IFT57: variants seen among roughly 807,000 people sequenced by gnomAD.
IFT57 encodes intraflagellar transport protein 57 homolog.
IFT57 carries 59 observed loss-of-function variants against 56.8 expected under a neutral mutation model. The observed-to-expected ratio is 1.04, with a 90% CI of 0.84 to 1.29. The LOEUF is 1.29. Among genes scored for constraint, IFT57 ranks in the 50% most tolerant of loss-of-function variants. The pLI, the probability that IFT57 is intolerant of heterozygous loss-of-function variation, is 0.00. For synonymous variants in IFT57, 209 were observed against 186.1 expected (o/e 1.12, Z -1.00); for missense variants, 470 against 522.1 (o/e 0.90, Z 0.97).
At chr3:108,167,226 T>C (rs2080068150) in intron 7 of IFT57, 2 of 398,792 alleles carry the variant, frequency 5.0e-6, no homozygotes, top group East Asian at 4.7e-5. Context: ...TCATTATACA[T>C]ACCATAAAAT....
rs1480228591 is a variant in IFT57 at position 108,184,269 on chromosome 3, C to T, written c.777+7252G>A. On this transcript the variant is annotated intron_variant, in intron 6 of 10. Transcript: ENST00000264538. ...GCAGATCTGAATTGTTCTCTGGATA[C>T]ATAACCACCCTAGAAGTGCAGCTGT... Among the ~76,000 whole-genome samples, 2 of 152,126 alleles carry T rather than the reference C, an allele frequency of 1.3e-5. 1 individual carries two copies. The highest frequency in any genetic ancestry group is 2.9e-5 in the Non-Finnish European group (2 of 68,016).
At chr3:108,212,961 C>T (rs1193834580) in intron 4 of IFT57, among the ~76,000 whole-genome samples, 1 of 152,106 alleles carries the variant, frequency 6.6e-6, no homozygotes, top group Non-Finnish European at 1.5e-5. Flanking sequence ...CCAACCCTTC[C>T]TCTTGCTCTT....
At chr3:108,194,824 T>C (rs2080235031) in intron 5 of IFT57, among the ~76,000 whole-genome samples, 1 of 152,172 alleles carries the variant, frequency 6.6e-6, no homozygotes, top group African/African-American at 2.4e-5. Flanking sequence ...TCTCTTACCA[T>C]ACACAAAAAT....
chr3:108,217,331 T>C (rs2080378454), intron 3 of IFT57, among the ~76,000 whole-genome samples: 1 of 152,104 alleles, frequency 6.6e-6, no homozygotes, highest in South Asian at 2.1e-4. Flanking sequence ...GGTTGAGATA[T>C]TACACCATAG....
At chr3:108,221,987 G>A (rs1576054451) in intron 1 of IFT57, 124 bp downstream of exon 1, 2 of 1,485,722 alleles carry the variant, frequency 1.3e-6, no homozygotes, top group Non-Finnish European at 9.0e-7. Context: ...CCCTTCCCTG[G>A]CTAGGAAGAC....
Position 108,222,239 on chromosome 3 carries a change from C to G in IFT57, c.84G>C (p.Val28=), listed in dbSNP as rs770441432. 2 of 1,614,144 alleles carry G rather than the reference C, an allele frequency of 1.2e-6. No homozygotes were observed. Among genetic ancestry groups the G allele is most frequent in the Admixed American group, 3.3e-5 (2 of 60,036 alleles). Residue 28 remains valine (V), a synonymous_variant, in exon 1 of 11, where the codon GTG becomes GTC. Coordinates refer to ENST00000264538, the MANE Select transcript of IFT57 (RefSeq NM_018010.4). ...PRSRGEGTGE[V]VLERGPGAAY... ...CCGCGCCGGGCCCCCGCTCCAAGAC[C>G]ACTTCCCCGGTCCCTTCGCCACGGG...
rs894123441 is a variant in IFT57 at position 108,213,941 on chromosome 3, T to A, written c.575A>T (p.Glu192Val). Residue 192 changes from glutamate (E) to valine (V), a missense_variant, in exon 4 of 11, where the codon GAA becomes GTA. By Grantham distance (121) the Glu-to-Val change is moderately radical. Transcript: ENST00000264538. ...CAGCTACACACATACCACAAATTCT[T>A]CATCCACTTTATTTAATGTTAATTC... ...DAELTLNKVDEEFVEEETDNE... is the reference protein window; with the variant it reads ...DAELTLNKVDVEFVEEETDNE... 1 of 1,601,546 alleles carries A rather than the reference T, an allele frequency of 6.2e-7. No individual in the cohort carries two copies. The highest frequency in any genetic ancestry group is 1.3e-5 in the African/African-American group (1 of 74,784).
rs981293285 is a variant in IFT57 at position 108,221,395 on chromosome 3, G to A, written c.212+716C>T. Among the ~76,000 whole-genome samples the A allele has an allele frequency of 3.3e-5, 5 of 152,218 alleles. No homozygotes were observed. The South Asian group carries it at 1.0e-3, about 31-fold the overall frequency. On this transcript the variant is annotated intron_variant, in intron 1 of 10. Transcript: ENST00000264538. ...CCTAGCTGACCACTACCCTCAGCAA[G>A]TAATGGCATTGCTTTCAGGATATGT...
intron 6 of IFT57, among the ~76,000 whole-genome samples, chr3:108,184,356 A>G (rs973256146): frequency 5.3e-5 from 8 of 152,144 alleles, no homozygotes; most frequent in Non-Finnish European, 4.4e-5. Context: ...TTTTCAATAA[A>G]TATACAAAAA....
intron 4 of IFT57, among the ~76,000 whole-genome samples, chr3:108,207,283 T>C (rs2080318761): frequency 6.6e-6 from 1 of 152,162 alleles, no homozygotes; most frequent in Non-Finnish European, 1.5e-5. Context: ...AATCCTTATC[T>C]GCAGACCAAT....
At chr3:108,221,557 C>T (rs886200581) in intron 1 of IFT57, among the ~76,000 whole-genome samples, 6 of 152,130 alleles carry the variant, frequency 3.9e-5, no homozygotes, top group Non-Finnish European at 8.8e-5. Context: ...TCTTTTAAAC[C>T]ATAGCAAGTA....
intron 5 of IFT57, among the ~76,000 whole-genome samples, chr3:108,193,403 T>C (rs1037029891): frequency 3.3e-5 from 5 of 152,228 alleles, no homozygotes; most frequent in African/African-American, 9.6e-5. Flanking sequence ...CAAGGGACTA[T>C]ATATTTCTAA....
chr3:108,179,697 T>C (rs920010497), intron 6 of IFT57, among the ~76,000 whole-genome samples: 1 of 151,952 alleles, frequency 6.6e-6, no homozygotes, highest in Non-Finnish European at 1.5e-5. Context: ...TTCAATTAAA[T>C]AACTTTTTAA....
At chr3:108,175,449 T>C (rs2080119042) in intron 6 of IFT57, among the ~76,000 whole-genome samples, 1 of 151,888 alleles carries the variant, frequency 6.6e-6, no homozygotes, top group Admixed American at 6.6e-5. Flanking sequence ...TATAATATTA[T>C]CTATCTCCCT....
chr3:108,195,683 T>C (rs749602518), intron 5 of IFT57, among the ~76,000 whole-genome samples: 35 of 152,104 alleles, frequency 2.3e-4, no homozygotes, highest in Admixed American at 1.0e-3. Flanking sequence ...ATGGATGGAA[T>C]TGGAGGTCAT....
intron 5 of IFT57, among the ~76,000 whole-genome samples, chr3:108,202,404 C>T (rs75664830): frequency 0.019 from 2,916 of 152,316 alleles, 27 homozygotes; most frequent in Middle Eastern, 0.048. Context: ...TTTCCTGCTC[C>T]CACTCCCTAC....
At chr3:108,167,284 G>A in intron 7 of IFT57, 1 of 247,892 alleles carries the variant, frequency 4.0e-6, no homozygotes, top group Non-Finnish European at 7.8e-6. Context: ...TCAAAGTAAG[G>A]GAATAACGTG....
intron 9 of IFT57, 103 bp from the exon 10 acceptor site, chr3:108,163,832 T>C (rs1577045581): frequency 1.5e-6 from 1 of 670,848 alleles, no homozygotes; most frequent in East Asian, 2.8e-5. Flanking sequence ...GCCACACATA[T>C]AGAAAAATAA....
intron 6 of IFT57, among the ~76,000 whole-genome samples, chr3:108,191,085 C>CT (rs1268851258): frequency 6.6e-6 from 1 of 152,208 alleles, no homozygotes; most frequent in Non-Finnish European, 1.5e-5. Context: ...GCCATGGCGC[C>CT]TGGCCAGCAT....
Sources: allele counts gnomAD v4.1 joint callset (sites outside exome capture counted in the v4.1 genomes callset), GRCh38; gene constraint gnomAD v4.1.1; transcripts MANE v1.5; gene names NCBI Gene and HGNC (gene_info 2026-07-23, HGNC 2026-07-21).